The following CEP295NL variants were observed in gnomAD, a reference collection of about 807,000 sequenced individuals.
CEP295NL encodes CEP295 N-terminal like.
Under a neutral mutation model 4.6 loss-of-function variants are expected in CEP295NL, and 3 were observed. The observed-to-expected ratio is 0.65, with a 90% confidence interval of 0.30 to 1.69. CEP295NL has a LOEUF of 1.69. CEP295NL is among the 40% of genes most tolerant of loss of function. CEP295NL has a pLI of 0.10. For synonymous variants in CEP295NL, 295 were observed against 312.2 expected, an observed-to-expected ratio of 0.94 and a Z score of 0.58; for missense variants, 719 against 769.0, an observed-to-expected ratio of 0.93 and a Z score of 0.77.
At position 78,896,127 on chromosome 17, in the gene CEP295NL, C is replaced by T. The variant is rs892251252; in HGVS notation, c.45-3668G>A. On this transcript the variant is annotated intron_variant, in intron 2 of 2. Transcript: ENST00000322630. This position sits in a 1 kb window ranked among gnomAD's most constrained non-coding sequence, Gnocchi z 4.4. ...CTTCAGGAATCGATCCCCGCTCTGA[C>T]ACCATCAGATGCAACCTCGTCCCCG... 6.6e-6 allele frequency among the ~76,000 whole-genome samples: 1 copy of T among 152,264 alleles called. No individual in the cohort carries two copies.
At chr17:78,899,504 G>A (rs904635632) in intron 2 of CEP295NL, 1 of 152,216 alleles carries the variant, frequency 6.6e-6, no homozygotes, top group South Asian at 2.1e-4. Flanking sequence ...TCCTATCCCA[G>A]CCCCTGCGGG....
rs2070003926 is a variant in CEP295NL, at chr17:78,896,615, C to T, written c.45-4156G>A. Among the ~76,000 whole-genome samples, 1 of 152,180 alleles carries T rather than the reference C, an allele frequency of 6.6e-6. No homozygotes were observed. Among genetic ancestry groups the T allele is most frequent in the Non-Finnish European group, 1.5e-5 (1 of 68,026 alleles). On this transcript the variant is annotated intron_variant, in intron 2 of 2. Transcript: ENST00000322630. The surrounding 1 kb of genome is among the most constrained non-coding windows in gnomAD (Gnocchi z 4.4). ...TTTGGTGTTTTCTACTCCCCTGCTGCCCTCTGGTCCTGCCACCCCGAGCTG... is the reference window on the plus strand; with the variant it reads ...TTTGGTGTTTTCTACTCCCCTGCTGTCCTCTGGTCCTGCCACCCCGAGCTG...
Position 78,892,372 on chromosome 17 carries a change from G to A in CEP295NL, c.132C>T (p.Pro44=). ...CGAACCCAGCAGATACAGCTTCCCA[G>A]GGAAGGTGCTTGGAGCCAAGAGTGG... ...EPSTLGSKHL[P]WEAVSAGFAD... is the part of the protein sequence containing the mutation. Residue 44 remains proline (P), a synonymous_variant, in exon 3 of 3, where the codon CCC becomes CCT. Transcript: ENST00000322630. 6.4e-7 allele frequency: 1 copy of A among 1,550,668 alleles called. No individual in the cohort carries two copies. Among genetic ancestry groups the A allele is most frequent in the Non-Finnish European group, 8.7e-7 (1 of 1,147,012 alleles).
intron 2 of CEP295NL, among the ~76,000 whole-genome samples, chr17:78,893,135 G>A (rs1236138912): frequency 1.3e-5 from 2 of 150,590 alleles, no homozygotes; most frequent in African/African-American, 4.9e-5. Context: ...GTGCAGGGGT[G>A]TGTGTGCGTA....
intron 2 of CEP295NL, chr17:78,897,017 C>T: frequency 2.0e-6 from 2 of 985,294 alleles, no homozygotes; most frequent in Non-Finnish European, 1.2e-6. Flanking sequence ...GCCGCTCAGA[C>T]AGCTTTTCAG....
intron 2 of CEP295NL, among the ~76,000 whole-genome samples, chr17:78,893,195 G>A (rs879507016): frequency 6.7e-6 from 1 of 148,312 alleles, no homozygotes; most frequent in Non-Finnish European, 1.5e-5. Context: ...AGGGGTGTGT[G>A]CAAGGATGTG....
At position 78,891,014 on chromosome 17, in the gene CEP295NL, C is replaced by T. The variant is rs1389830874; in HGVS notation, c.1490G>A (p.Gly497Asp). 3.9e-6 allele frequency: 6 copies of T among 1,551,212 alleles called. No individual in the cohort carries two copies. The highest frequency in any genetic ancestry group is 5.2e-6 in the Non-Finnish European group (6 of 1,147,136). The change falls in exon 3 of 3, where the codon GGC becomes GAC. Residue 497 changes from glycine to aspartate, a missense_variant. Coordinates refer to ENST00000322630, the MANE Select transcript of CEP295NL (RefSeq NM_001243540.2). This position sits in a 1 kb window ranked among gnomAD's most constrained non-coding sequence, Gnocchi z 4.5. ...CTGCCTTTGCCTGGATGCCGTCGAG[C>T]CCACTCTGTCTGCCTGGTCTTGAAG... Reference protein sequence around the residue: ...LHLQDQADRVGSTASRQRQKA... With the variant: ...LHLQDQADRVDSTASRQRQKA...
At chr17:78,900,511 C>CTCTA (rs1414918439) in intron 2 of CEP295NL, among the ~76,000 whole-genome samples, 2 of 150,478 alleles carry the variant, frequency 1.3e-5, no homozygotes, top group African/African-American at 2.5e-5. Context: ...CACCACTGTA[C>CTCTA]TCTAGCCTAG....
chr17:78,891,270 C>T lies in CEP295NL; in HGVS notation c.1234G>A (p.Glu412Lys). 2 of 1,550,640 alleles carry T rather than the reference C, an allele frequency of 1.3e-6. No individual in the cohort carries two copies. Among genetic ancestry groups the T allele is most frequent in the Non-Finnish European group, 1.7e-6 (2 of 1,147,000 alleles). ...TTGGACGCTGCCTGCTGCGCCTCCT[C>T]CTCTGCTGGGCTCCTGGGTTCCCCG... Reference protein sequence around the residue: ...PAGEPRSPAEEEAQQAASKTD... With the variant: ...PAGEPRSPAEKEAQQAASKTD... Residue 412 changes from glutamate (E) to lysine (K), a missense_variant, in exon 3 of 3, where the codon GAG becomes AAG. Physicochemically the swap from Glu to Lys is moderately conservative, Grantham distance 56. Transcript: ENST00000322630. This position sits in a 1 kb window ranked among gnomAD's most constrained non-coding sequence, Gnocchi z 4.5.
rs1252363229 is a variant in CEP295NL, at chr17:78,890,969, C to T, written c.1535G>A (p.Arg512Lys). 6 of 1,551,180 alleles carry T rather than the reference C, an allele frequency of 3.9e-6. No individual in the cohort carries two copies. The highest frequency in any genetic ancestry group is 5.2e-6 in the Non-Finnish European group (6 of 1,147,138). Residue 512 changes from arginine to lysine, a missense_variant, in exon 3 of 3, where the codon AGA (arginine) becomes AAA (lysine). Physicochemically the swap from Arg to Lys is conservative, Grantham distance 26. Coordinates refer to ENST00000322630, the MANE Select transcript of CEP295NL (RefSeq NM_001243540.2). The part of the protein sequence containing the change: ...RQRQKAEMEQ[R>K]RQKQLESLEQ... ...AAGCGATTCCAGTTGTTTTTGTCTT[C>T]TCTGCTCCATCTCTGCTTTCTGCCT...
At position 78,891,364 on chromosome 17, in the gene CEP295NL, T is replaced by C. The variant is rs776241590; in HGVS notation, c.1140A>G (p.Ser380=). 22 of 1,550,470 alleles carry C rather than the reference T, an allele frequency of 1.4e-5. No individual in the cohort carries two copies. In the South Asian group the frequency reaches 2.5e-4, roughly 18 times the overall value. Residue 380 remains serine, a synonymous_variant, in exon 3 of 3, where the codon TCA becomes TCG. Coordinates refer to ENST00000322630, the MANE Select transcript of CEP295NL (RefSeq NM_001243540.2). This position sits in a 1 kb window ranked among gnomAD's most constrained non-coding sequence, Gnocchi z 4.5. ...TCCCAGCGCCACACTCTTGCATCTC[T>C]GAGAAGGCATGCCCTTCCCCAGGTC... ...DQRPGEGHAF[S]EMQECGAGTP... is the part of the protein sequence containing the mutation.
chr17:78,891,904 A>T lies in CEP295NL; in HGVS notation c.600T>A (p.Ser200Arg). ...RHSRPRKTAA[S>R]PEKPQTTKAT... ...CTTTTGTAGTCTGTGGTTTCTCTGG[A>T]CTCGCTGCTGTCTTCCGGGGCCTGG... The change falls in exon 3 of 3, where the codon AGT becomes AGA. Residue 200 changes from serine (S) to arginine (R), a missense_variant. Coordinates refer to ENST00000322630, the MANE Select transcript of CEP295NL (RefSeq NM_001243540.2). The surrounding 1 kb of genome is among the most constrained non-coding windows in gnomAD (Gnocchi z 4.5). 1 of 1,550,176 alleles carries T rather than the reference A, an allele frequency of 6.5e-7. No individual in the cohort carries two copies. The highest frequency in any genetic ancestry group is 8.7e-7 in the Non-Finnish European group (1 of 1,146,900).
At chr17:78,901,601 T>G (rs1189360230) in intron 2 of CEP295NL, among the ~76,000 whole-genome samples, 184 bp downstream of exon 2, 1 of 152,048 alleles carries the variant, frequency 6.6e-6, no homozygotes, top group Non-Finnish European at 1.5e-5. Context: ...TAGAAAAGTC[T>G]AGAATGGCAG....
In CEP295NL at chr17:78,892,044, C is replaced by T; in HGVS notation, c.460G>A (p.Gly154Arg). Reference sequence around the variant, plus strand: ...CTGGCTGATCTTCGCTGGATGGGCCCCTGCGAGTCAGGCTCATTTTCCCTG... The same window carrying T: ...CTGGCTGATCTTCGCTGGATGGGCCTCTGCGAGTCAGGCTCATTTTCCCTG... The part of the protein sequence containing the change: ...RARENEPDSQ[G>R]PIQRRSARPP... Residue 154 changes from glycine to arginine, a missense_variant, in exon 3 of 3, where the codon GGG becomes AGG. Gly to Arg is a moderately radical substitution (Grantham distance 125). Coordinates refer to ENST00000322630, the MANE Select transcript of CEP295NL (RefSeq NM_001243540.2). 1 of 1,550,942 alleles carries T rather than the reference C, an allele frequency of 6.4e-7. No individual in the cohort carries two copies. Among genetic ancestry groups the T allele is most frequent in the Non-Finnish European group, 8.7e-7 (1 of 1,147,160 alleles).
intron 2 of CEP295NL, chr17:78,897,107 C>T (rs1341557164): frequency 1.8e-6 from 1 of 559,566 alleles, no homozygotes; most frequent in African/African-American, 2.1e-5. Context: ...CCCCCCGCCC[C>T]CCGCCGGCCT....
At chr17:78,898,291 A>C (rs2070034560) in intron 2 of CEP295NL, 1 of 152,278 alleles carries the variant, frequency 6.6e-6, no homozygotes, top group South Asian at 2.1e-4. Flanking sequence ...AACTTGCCTA[A>C]GGCCACATAG....
intron 2 of CEP295NL, among the ~76,000 whole-genome samples, chr17:78,894,073 G>A (rs978785977): frequency 6.6e-6 from 1 of 152,196 alleles, no homozygotes; most frequent in African/African-American, 2.4e-5. Flanking sequence ...TGTAGTTGCA[G>A]GAGTCAGAAA....
intron 2 of CEP295NL, among the ~76,000 whole-genome samples, chr17:78,893,282 CGG>C (rs2069938400): frequency 1.5e-5 from 1 of 64,670 alleles, no homozygotes; most frequent in African/African-American, 7.4e-5. Flanking sequence ...TAGGGGTGTG[CGG>C]GCAAGGGTGT....
intron 2 of CEP295NL, 179 bp from the exon 3 acceptor site, chr17:78,892,638 A>G (rs1451941161): frequency 1.1e-6 from 1 of 908,508 alleles, no homozygotes; most frequent in African/African-American, 1.7e-5. Context: ...TCTGTCCTGT[A>G]CACTTTTGAC....
Sources: gnomAD v4.1 joint callset for allele counts (sites outside exome capture counted in the v4.1 genomes callset) on GRCh38, gnomAD v4.1.1 for gene constraint, Gnocchi (gnomAD v3.1) non-coding constraint, MANE v1.5 for transcripts, NCBI Gene and HGNC (gene_info 2026-07-23, HGNC 2026-07-21) for gene names.